Variants in FHIT observed in about 807,000 individuals in gnomAD.
The protein encoded by FHIT is bis(5'-adenosyl)-triphosphatase.
FHIT carries 19 observed loss-of-function variants against 17.9 expected under a neutral mutation model. That is an observed-to-expected ratio of 1.06 (90% confidence interval 0.74 to 1.56). The LOEUF is 1.56. Among genes scored for constraint, FHIT ranks in the 40% most tolerant of loss-of-function variants. The pLI is 0.00. For synonymous variants in FHIT, 81 were observed against 69.7 expected (o/e 1.16, Z -0.81); for missense variants, 248 against 189.2 (o/e 1.31, Z -1.82).
chr3:59,937,963 A>G (rs1454995066), intron 7 of FHIT, among the ~76,000 whole-genome samples: 2 of 152,156 alleles, frequency 1.3e-5, no homozygotes. Flanking sequence ...TAAAAATGAC[A>G]TCCTCTTCCA....
chr3:60,570,737 T>TAAAAAAAAAAAAA (rs10637926), intron 4 of FHIT, among the ~76,000 whole-genome samples: 1 of 132,524 alleles, frequency 7.5e-6, no homozygotes, highest in Non-Finnish European at 1.6e-5. Context: ...ATTAAAAAAT[T>TAAAAAAAAAAAAA]AAAAAAAAAA....
chr3:60,389,852 T>G (rs2205039), intron 5 of FHIT, among the ~76,000 whole-genome samples: 2 of 152,166 alleles, frequency 1.3e-5, no homozygotes, highest in Non-Finnish European at 2.9e-5. Context: ...TCCTGCATCA[T>G]ATATAAACCA....
intron 3 of FHIT, among the ~76,000 whole-genome samples, chr3:60,957,497 A>G (rs942338088): frequency 6.6e-6 from 1 of 152,132 alleles, no homozygotes; most frequent in African/African-American, 2.4e-5. Flanking sequence ...TTGGCCTCCC[A>G]AAGTGCTGGG....
chr3:60,887,589 T>C (rs1553759568), intron 3 of FHIT, among the ~76,000 whole-genome samples: 1 of 152,062 alleles, frequency 6.6e-6, no homozygotes, highest in Non-Finnish European at 1.5e-5. Flanking sequence ...GAGGTTGCAG[T>C]GAGCCGAGAC....
chr3:61,012,247 T>C (rs2031832338), intron 3 of FHIT, among the ~76,000 whole-genome samples: 1 of 152,164 alleles, frequency 6.6e-6, no homozygotes, highest in African/African-American at 2.4e-5. Flanking sequence ...TTAATGGGCA[T>C]TTGAGAAGCT....
intron 3 of FHIT, among the ~76,000 whole-genome samples, chr3:60,984,226 A>G (rs926458579): frequency 2.0e-5 from 3 of 152,224 alleles, no homozygotes; most frequent in Non-Finnish European, 4.4e-5. Flanking sequence ...TCCCAAAATG[A>G]TACCTGCCTA....
At chr3:60,255,897 A>G (rs1158588807) in intron 5 of FHIT, among the ~76,000 whole-genome samples, 1 of 152,134 alleles carries the variant, frequency 6.6e-6, no homozygotes, top group Non-Finnish European at 1.5e-5. Context: ...ACTGGTGTTC[A>G]TGGTTAGTGC....
chr3:60,895,823 T>TC, intron 3 of FHIT, among the ~76,000 whole-genome samples: 1 of 151,494 alleles, frequency 6.6e-6, no homozygotes, highest in East Asian at 1.9e-4. Context: ...GTCCTCATTT[T>TC]TTTTTTAATC....
intron 4 of FHIT, among the ~76,000 whole-genome samples, chr3:60,592,753 C>G (rs1283340259): frequency 6.6e-6 from 1 of 152,076 alleles, no homozygotes; most frequent in African/African-American, 2.4e-5. Context: ...GGCAGTTGTG[C>G]AGGCTCCCAG....
At chr3:60,210,029 G>A (rs778559378) in intron 5 of FHIT, among the ~76,000 whole-genome samples, 2 of 152,014 alleles carry the variant, frequency 1.3e-5, no homozygotes, top group African/African-American at 2.4e-5. Flanking sequence ...AAACCTGCAC[G>A]TTCTGCGCAT....
chr3:60,716,265 TCA>T (rs781893881), intron 4 of FHIT, among the ~76,000 whole-genome samples: 8 of 150,364 alleles, frequency 5.3e-5, no homozygotes, highest in African/African-American at 1.5e-4. Context: ...ACACACACAC[TCA>T]CACACACACA....
intron 5 of FHIT, among the ~76,000 whole-genome samples, chr3:60,022,552 C>T (rs980752169): frequency 6.6e-5 from 10 of 152,170 alleles, no homozygotes; most frequent in African/African-American, 1.9e-4. Context: ...AGTGAGACCC[C>T]GAATTATAGG....
At chr3:60,848,757 G>A (rs1352133256) in intron 3 of FHIT, among the ~76,000 whole-genome samples, 1 of 152,124 alleles carries the variant, frequency 6.6e-6, no homozygotes, top group Non-Finnish European at 1.5e-5. Context: ...CAGGTGGTAA[G>A]CATTCAAACT....
chr3:60,614,094 G>A (rs1274568441), intron 4 of FHIT, among the ~76,000 whole-genome samples: 3 of 152,052 alleles, frequency 2.0e-5, no homozygotes, highest in African/African-American at 7.2e-5. Context: ...TTAATAAGCA[G>A]CCATGACTGG....
intron 5 of FHIT, among the ~76,000 whole-genome samples, chr3:60,489,292 G>A (rs898723096): frequency 1.3e-5 from 2 of 152,080 alleles, no homozygotes; most frequent in South Asian, 2.1e-4. Flanking sequence ...CCTTTAGAGG[G>A]CACAGAAATG....
intron 5 of FHIT, among the ~76,000 whole-genome samples, chr3:60,482,489 A>G (rs1327218224): frequency 2.0e-5 from 3 of 152,226 alleles, no homozygotes; most frequent in Admixed American, 6.5e-5. Flanking sequence ...CTAGGACCAC[A>G]GTGCAATCAA....
intron 4 of FHIT, among the ~76,000 whole-genome samples, chr3:60,769,601 C>A (rs1350483517): frequency 6.6e-6 from 1 of 152,138 alleles, no homozygotes; most frequent in Admixed American, 6.5e-5. Flanking sequence ...ATGGTCAGAA[C>A]AAATTTATAG....
At position 60,564,818 on chromosome 3, in the gene FHIT, A is replaced by G. The variant is rs145954604; in HGVS notation, c.-17-27839T>C. ...AGATGATGTGAACATTGTCGAAATG[A>G]CAACAAAGAATTTGGACCATTATAC... On this transcript the variant is annotated intron_variant, in intron 4 of 9. Transcript: ENST00000492590. 1.1e-3 allele frequency among the ~76,000 whole-genome samples: 163 copies of G among 152,314 alleles called. 3 individuals are homozygous for G. Among genetic ancestry groups the G allele is most frequent in the African/African-American group, 3.4e-3 (143 of 41,578 alleles).
At chr3:60,160,224 G>A (rs140312161) in intron 5 of FHIT, among the ~76,000 whole-genome samples, 1 of 152,044 alleles carries the variant, frequency 6.6e-6, no homozygotes, top group Non-Finnish European at 1.5e-5. Flanking sequence ...AGAGGGAAGA[G>A]GAAAAGGTAG....
Sources: gnomAD v4.1 joint callset for allele counts (sites outside exome capture counted in the v4.1 genomes callset) on GRCh38, gnomAD v4.1.1 for gene constraint, MANE v1.5 for transcripts, NCBI Gene and HGNC (gene_info 2026-07-23, HGNC 2026-07-21) for gene names.